CMTR2: variants seen among roughly 807,000 people sequenced by gnomAD.
CMTR2 encodes cap-specific mRNA (nucleoside-2'-O-)-methyltransferase 2.
In CMTR2, 40 loss-of-function variants were observed where a neutral mutation model predicts 49.8. The observed-to-expected ratio is 0.80, with a 90% CI of 0.62 to 1.04. CMTR2 has a LOEUF of 1.04. CMTR2 is among the 50% of genes least tolerant of loss of function. The pLI is 0.00. For synonymous variants in CMTR2, 326 were observed against 315.8 expected, an observed-to-expected ratio of 1.03 and a Z score of -0.34; for missense variants, 907 against 897.2, an observed-to-expected ratio of 1.01 and a Z score of -0.14.
rs1475595465 is a variant in CMTR2 at position 71,282,714 on chromosome 16, T to G, written c.*894A>C. On this transcript the variant is annotated 3_prime_UTR_variant, in exon 3 of 3. Coordinates refer to ENST00000434935, the MANE Select transcript of CMTR2 (RefSeq NM_018348.6). ...CCATCATTCTGAAAGTCTGAAGCGTTTTCTTTAGTATTCACTATGTTCATC... is the reference window on the plus strand; with the variant it reads ...CCATCATTCTGAAAGTCTGAAGCGTGTTCTTTAGTATTCACTATGTTCATC... 6.6e-6 allele frequency: 1 copy of G among 152,196 alleles called. No individual in the cohort carries two copies. The highest frequency in any genetic ancestry group is 6.5e-5 in the Admixed American group (1 of 15,270). The allele number at this position is 152,196 out of a possible 1,614,324, so 9.4% of individuals were successfully genotyped here. A position where few individuals can be genotyped will look rare whatever the true frequency, so the allele number is the denominator to read the frequency against.
chr16:71,285,753 G>C lies in CMTR2; in HGVS notation c.168C>G (p.Asp56Glu), dbSNP rs1383720421. The C allele has an allele frequency of 1.9e-6, 3 of 1,613,750 alleles. No homozygotes were observed. The Admixed American group carries it at 5.0e-5, about 27-fold the overall frequency. Reference protein sequence around the residue: ...LPDPSEIFTCDHTELNAFLDL... With the variant: ...LPDPSEIFTCEHTELNAFLDL... ...CAAGAAATGCATTAAGTTCAGTGTG[G>C]TCACAGGTGAAAATCTCACTGGGAT... The change falls in exon 3 of 3, where the codon GAC becomes GAG. Residue 56 changes from aspartate to glutamate, a missense_variant. Asp to Glu is a conservative substitution (Grantham distance 45). Transcript: ENST00000434935.
rs2041677463 is a variant in CMTR2 at position 71,284,497 on chromosome 16, T to C, written c.1424A>G (p.His475Arg). 1 of 1,613,826 alleles carries C rather than the reference T, an allele frequency of 6.2e-7. No homozygotes were observed. The highest frequency in any genetic ancestry group is 1.1e-5 in the South Asian group (1 of 91,028). ...TTCTAAAATAGAACTCTGCCCAGGA[T>C]GATATACACCATGTTCTTCAGCCCA... ...NSWAEEHGVY[H>R]PGQSSILEGT... is the part of the protein sequence containing the mutation. The change falls in exon 3 of 3, where the codon CAT becomes CGT. Residue 475 changes from histidine (H) to arginine (R), a missense_variant. Physicochemically the swap from His to Arg is conservative, Grantham distance 29 (BLOSUM62 0). Coordinates refer to ENST00000434935, the MANE Select transcript of CMTR2 (RefSeq NM_018348.6).
Position 71,285,506 on chromosome 16 carries a change from T to A in CMTR2, c.415A>T (p.Asn139Tyr). The A allele has an allele frequency of 6.2e-7, 1 of 1,614,030 alleles. No homozygotes were observed. The highest frequency in any genetic ancestry group is 8.5e-7 in the Non-Finnish European group (1 of 1,179,942). The change falls in exon 3 of 3, where the codon AAT becomes TAT. Residue 139 changes from asparagine (N) to tyrosine (Y), a missense_variant. Asn to Tyr is a moderately radical substitution (Grantham distance 143). Transcript: ENST00000434935. ...PQEAFQNGKLNSLHLCEAPGA... is the reference protein window; with the variant it reads ...PQEAFQNGKLYSLHLCEAPGA... ...GGAGCTTCACAAAGGTGTAGAGAAT[T>A]CAGTTTTCCATTCTGAAAAGCTTCC...
Position 71,281,900 on chromosome 16 carries a change from T to C in CMTR2, c.*1708A>G, listed in dbSNP as rs570907531. 22 of 151,914 alleles carry C rather than the reference T, an allele frequency of 1.4e-4. No homozygotes were observed. Among genetic ancestry groups the C allele is most frequent in the Non-Finnish European group, 2.4e-4 (16 of 67,822 alleles). The allele number at this position is 151,914 out of a possible 1,614,324, so 9.4% of individuals were successfully genotyped here. A position where few individuals can be genotyped will look rare whatever the true frequency, so the allele number is the denominator to read the frequency against. On this transcript the variant is annotated 3_prime_UTR_variant, in exon 3 of 3. Transcript: ENST00000434935. ...AAAAATAAGCTGCATTATTAGTATA[T>C]TGAATCCCACTTAGCAAGGCATAAA...
chr16:71,284,919 G>A lies in CMTR2; in HGVS notation c.1002C>T (p.Thr334=). The A allele has an allele frequency of 6.2e-7, 1 of 1,614,066 alleles. No individual in the cohort carries two copies. The highest frequency in any genetic ancestry group is 8.5e-7 in the Non-Finnish European group (1 of 1,179,982). ...TTTTCATTTCAGTCCCAAAATTCAA[G>A]GTCATCTTAGATAACAGAGGATGGA... is the stretch of plus-strand genomic sequence containing the variant. ...EAIHPLLSKM[T]LNFGTEMKRK... is the part of the protein sequence containing the mutation. The change falls in exon 3 of 3, where the codon ACC becomes ACT. Residue 334 remains threonine (T), a synonymous_variant. Coordinates refer to ENST00000434935, the MANE Select transcript of CMTR2 (RefSeq NM_018348.6).
At position 71,284,847 on chromosome 16, in the gene CMTR2, C is replaced by T; in HGVS notation, c.1074G>A (p.Lys358=). The part of the protein sequence containing the change: ...PHHVIPDSFL[K]RHEECCVFFH... ...AGAACACACAACATTCTTCATGTCT[C>T]TTAAGAAAAGAATCAGGAATCACAT... Residue 358 remains lysine, a synonymous_variant, in exon 3 of 3, where the codon AAG becomes AAA. Transcript: ENST00000434935. The T allele has an allele frequency of 6.2e-7, 1 of 1,613,898 alleles. No individual in the cohort carries two copies. Among genetic ancestry groups the T allele is most frequent in the Non-Finnish European group, 8.5e-7 (1 of 1,179,942 alleles).
At chr16:71,287,334 G>T (rs1389904538) in intron 2 of CMTR2, 1 of 151,948 alleles carries the variant, frequency 6.6e-6, no homozygotes, top group Non-Finnish European at 1.5e-5. Flanking sequence ...TTCTTATTTT[G>T]TTTAAATTAT....
rs754676757 is a variant in CMTR2 at position 71,285,796 on chromosome 16, T to G, written c.125A>C (p.Asn42Thr). ...ACTGGGATCTGGTAACTGCCACTCA[T>G]TATTAAGTGGCTTGCCATAAGAAAA... is the stretch of plus-strand genomic sequence containing the variant. ...KNFSYGKPLN[N>T]EWQLPDPSEI... The change falls in exon 3 of 3, where the codon AAT becomes ACT. Residue 42 changes from asparagine (N) to threonine (T), a missense_variant. Transcript: ENST00000434935. The G allele has an allele frequency of 6.2e-7, 1 of 1,614,008 alleles. No homozygotes were observed. Among genetic ancestry groups the G allele is most frequent in the Non-Finnish European group, 8.5e-7 (1 of 1,179,902 alleles).
chr16:71,288,607 G>A (rs933591154), intron 2 of CMTR2: 1 of 149,144 alleles, frequency 6.7e-6, no homozygotes, highest in Non-Finnish European at 1.5e-5. Flanking sequence ...GTCATTAATA[G>A]TGCACCTCAA....
At position 71,281,634 on chromosome 16, in the gene CMTR2, G is replaced by A. The variant is rs1380949296; in HGVS notation, c.*1974C>T. 2.0e-5 allele frequency: 3 copies of A among 151,842 alleles called. No homozygotes were observed. The highest frequency in any genetic ancestry group is 6.6e-5 in the Admixed American group (1 of 15,238). 9.4% of individuals were successfully genotyped at this position (151,842 alleles called of 1,614,324 possible). A position where few individuals can be genotyped will look rare whatever the true frequency, so the allele number is the denominator to read the frequency against. Reference sequence around the variant, plus strand: ...CCAGTTCAATCTGAACCTTCCTCAAGTCATGTCTAACCTCTAAAGCAATTT... The same window carrying A: ...CCAGTTCAATCTGAACCTTCCTCAAATCATGTCTAACCTCTAAAGCAATTT... On this transcript the variant is annotated 3_prime_UTR_variant, in exon 3 of 3. Coordinates refer to ENST00000434935, the MANE Select transcript of CMTR2 (RefSeq NM_018348.6).
In CMTR2 at chr16:71,285,242, C is replaced by T. The variant is rs749659762; in HGVS notation, c.679G>A (p.Ala227Thr). The T allele has an allele frequency of 3.1e-6, 5 of 1,613,774 alleles. No individual in the cohort carries two copies. Among genetic ancestry groups the T allele is most frequent in the East Asian group, 2.2e-5 (1 of 44,886 alleles). Residue 227 changes from alanine to threonine, a missense_variant, in exon 3 of 3, where the codon GCT becomes ACT. Transcript: ENST00000434935. ...TCTGCAGTGACCAAGTGAACAGTAG[C>T]CATGCTGCTTATGAAATTCTGAAGT... is the stretch of plus-strand genomic sequence containing the variant. ...TGLQNFISSM[A>T]TVHLVTADGS...
At position 71,283,620 on chromosome 16, in the gene CMTR2, C is replaced by T. The variant is rs1017582433; in HGVS notation, c.2301G>A (p.Gln767=). Residue 767 remains glutamine, a synonymous_variant, in exon 3 of 3, where the codon CAG becomes CAA. Transcript: ENST00000434935. ...AGAAAGCATATGTTCAGTTTTGTAA[C>T]TGAAGGCTGTTGATAATTTCTTCTC... ...REREEIINSL[Q]LQN 1 of 1,610,616 alleles carries T rather than the reference C, an allele frequency of 6.2e-7. No individual in the cohort carries two copies. Among genetic ancestry groups the T allele is most frequent in the Non-Finnish European group, 8.5e-7 (1 of 1,178,380 alleles).
rs778154354 is a variant in CMTR2, at chr16:71,285,558, A to T, written c.363T>A (p.Ile121=). The T allele has an allele frequency of 1.9e-5, 31 of 1,613,826 alleles. No individual in the cohort carries two copies. The highest frequency in any genetic ancestry group is 1.7e-6 in the Non-Finnish European group (2 of 1,179,952). Residue 121 remains isoleucine, a synonymous_variant, in exon 3 of 3, where the codon ATT becomes ATA. Transcript: ENST00000434935. ...CTQAWCKFHE[I]LCSFPLIPQE... is the part of the protein sequence containing the mutation. ...GTGGAATAAGTGGAAAGCTGCACAA[A>T]ATCTCATGGAACTTACACCATGCTT...
At position 71,284,427 on chromosome 16, in the gene CMTR2, C is replaced by G. The variant is rs752766298; in HGVS notation, c.1494G>C (p.Glu498Asp). ...ATTTTACCTTTGGCAGTTTCTTTCCCTCCAAAATATGCCATAAGTGACACT... is the reference window on the plus strand; with the variant it reads ...ATTTTACCTTTGGCAGTTTCTTTCCGTCCAAAATATGCCATAAGTGACACT... ...NLECHLWHIL[E>D]GKKLPKVKCS... Residue 498 changes from glutamate (E) to aspartate (D), a missense_variant, in exon 3 of 3, where the codon GAG (glutamate) becomes GAC (aspartate). Physicochemically the swap from Glu to Asp is conservative, Grantham distance 45 (BLOSUM62 2). Transcript: ENST00000434935. 2 of 1,613,844 alleles carry G rather than the reference C, an allele frequency of 1.2e-6. No individual in the cohort carries two copies. Among genetic ancestry groups the G allele is most frequent in the South Asian group, 2.2e-5 (2 of 91,062 alleles).
Position 71,284,575 on chromosome 16 carries a change from A to T in CMTR2, c.1346T>A (p.Met449Lys). 6.2e-7 allele frequency: 1 copy of T among 1,613,844 alleles called. No homozygotes were observed. Among genetic ancestry groups the T allele is most frequent in the Non-Finnish European group, 8.5e-7 (1 of 1,179,892 alleles). Reference protein sequence around the residue: ...KYFKTYNERKMLEALSWKDKV... With the variant: ...KYFKTYNERKKLEALSWKDKV... ...ATCTTTCCATGAAAGGGCTTCTAGC[A>T]TCTTCCTTTCATTATAAGTTTTAAA... is the stretch of plus-strand genomic sequence containing the variant. The change falls in exon 3 of 3, where the codon ATG becomes AAG. Residue 449 changes from methionine (M) to lysine (K), a missense_variant. By Grantham distance (95) the Met-to-Lys change is moderately conservative (BLOSUM62 -1). Coordinates refer to ENST00000434935, the MANE Select transcript of CMTR2 (RefSeq NM_018348.6).
chr16:71,281,551 CCTTT>C lies in CMTR2; in HGVS notation c.*2053_*2056del, dbSNP rs1032636013. The C allele has an allele frequency of 6.6e-6, 1 of 151,944 alleles. No individual in the cohort carries two copies. Among genetic ancestry groups the C allele is most frequent in the African/African-American group, 2.4e-5 (1 of 41,416 alleles). The allele number at this position is 151,944 out of a possible 1,614,324, so 9.4% of individuals were successfully genotyped here. A position where few individuals can be genotyped will look rare whatever the true frequency, so the allele number is the denominator to read the frequency against. ...ATCTTTTGAATAGCATTTTTCCTCT[CCTTT>C]CTCTTAAAGAGAAACTCATATAAAT... On this transcript the variant is annotated 3_prime_UTR_variant, in exon 3 of 3. Transcript: ENST00000434935.
rs999781051 is a variant in CMTR2, at chr16:71,282,626, T to C, written c.*982A>G. ...AACCATTTCATGGCTAATCTTTTGG[T>C]AAAGTGCTATTTTCACACTGAAAAA... On this transcript the variant is annotated 3_prime_UTR_variant, in exon 3 of 3. Coordinates refer to ENST00000434935, the MANE Select transcript of CMTR2 (RefSeq NM_018348.6). 2 of 152,108 alleles carry C rather than the reference T, an allele frequency of 1.3e-5. No homozygotes were observed. Among genetic ancestry groups the C allele is most frequent in the Admixed American group, 6.5e-5 (1 of 15,274 alleles). 9.4% of individuals were successfully genotyped at this position (152,108 alleles called of 1,614,324 possible).
chr16:71,284,616 CCCAAA>C lies in CMTR2; in HGVS notation c.1300_1304del (p.Phe434AlafsTer7), dbSNP rs772262867. On this transcript the variant is annotated frameshift_variant, in exon 3 of 3. Transcript: ENST00000434935. LOFTEE classifies it high-confidence loss of function. ...AAGTTTTAAAATATTTGTTCCTCTG[CCCAAA>C]CCATTTTGTATTTGTACTACAACCA... 1 of 1,613,152 alleles carries C rather than the reference CCCAAA, an allele frequency of 6.2e-7. No individual in the cohort carries two copies. The highest frequency in any genetic ancestry group is 1.1e-5 in the South Asian group (1 of 90,876).
rs373299938 is a variant in CMTR2 at position 71,284,122 on chromosome 16, C to T, written c.1799G>A (p.Arg600Gln). The change falls in exon 3 of 3, where the codon CGA becomes CAA. Residue 600 changes from arginine (R) to glutamine (Q), a missense_variant. Transcript: ENST00000434935. ...NIKMHIPLEV[R>Q]LLESAELTTF... ...TGTGAGTTCAGCTGATTCTAGGAGT[C>T]GAACTTCCAACGGTATATGCATTTT... 42 of 1,613,992 alleles carry T rather than the reference C, an allele frequency of 2.6e-5. 1 individual carries two copies. The South Asian group carries it at 3.8e-4, about 15-fold the overall frequency.
Sources: allele counts gnomAD v4.1 joint callset, GRCh38; gene constraint gnomAD v4.1.1; transcripts MANE v1.5; gene names NCBI Gene and HGNC (gene_info 2026-07-23, HGNC 2026-07-21).